The following MME variants were observed in gnomAD, a reference collection of about 807,000 sequenced individuals.
The protein encoded by MME is membrane metalloendopeptidase, also known as neprilysin.
A neutral mutation model predicts 113.2 loss-of-function variants in MME; 98 were observed. The observed-to-expected ratio is 0.87, with a 90% confidence interval of 0.74 to 1.02. The LOEUF is 1.02. Ranked by LOEUF, MME falls within the 50% of genes least tolerant of loss-of-function variation. MME has a pLI of 0.00. For missense variants in MME, 836 were observed against 896.0 expected, an observed-to-expected ratio of 0.93 and a Z score of 0.86; for synonymous variants, 292 against 300.6, an observed-to-expected ratio of 0.97 and a Z score of 0.30.
intron 1 of MME, chr3:155,080,930 G>C (rs1472454059): frequency 6.6e-6 from 1 of 152,162 alleles, no homozygotes; most frequent in Admixed American, 6.5e-5. Flanking sequence ...AAATTGTCTG[G>C]TAATTTCTTG....
At chr3:155,065,309 T>C (rs1461514661) in intron 1 of MME, among the ~76,000 whole-genome samples, 1 of 152,166 alleles carries the variant, frequency 6.6e-6, no homozygotes, top group African/African-American at 2.4e-5. Flanking sequence ...CTTACTAGAC[T>C]AAGACTTAAG....
At chr3:155,049,390 A>G (rs570187969) in intron 1 of MME, among the ~76,000 whole-genome samples, 1 of 152,296 alleles carries the variant, frequency 6.6e-6, no homozygotes, top group African/African-American at 2.4e-5. Flanking sequence ...CGAGCCAAAG[A>G]ATGCCAAGGA....
chr3:155,157,907 G>A (rs1421057991), intron 16 of MME, among the ~76,000 whole-genome samples: 1 of 152,076 alleles, frequency 6.6e-6, no homozygotes, highest in Non-Finnish European at 1.5e-5. Context: ...ATTTTAATAT[G>A]CAAAACTCTC....
At chr3:155,084,481 A>G in intron 2 of MME, 154 bp downstream of exon 2, 1 of 777,846 alleles carries the variant, frequency 1.3e-6, no homozygotes, top group Non-Finnish European at 2.1e-6. Context: ...CAATATGTCA[A>G]AATAATTAAC....
intron 3 of MME, among the ~76,000 whole-genome samples, chr3:155,099,196 C>T (rs1447760831): frequency 6.6e-6 from 1 of 152,116 alleles, no homozygotes; most frequent in Non-Finnish European, 1.5e-5. Flanking sequence ...GGGTAAGCAG[C>T]AACTAATAAG....
chr3:155,150,775 T>C (rs1351772700), intron 16 of MME, among the ~76,000 whole-genome samples: 1 of 152,198 alleles, frequency 6.6e-6, no homozygotes, highest in African/African-American at 2.4e-5. Context: ...TCATATTCAA[T>C]TTTATGGAAT....
At chr3:155,096,804 A>C (rs868606307) in intron 3 of MME, among the ~76,000 whole-genome samples, 8 of 152,152 alleles carry the variant, frequency 5.3e-5, no homozygotes, top group Admixed American at 2.0e-4. Flanking sequence ...TGTAGCCTCA[A>C]CTTCCCCAGA....
chr3:155,143,449 T>A lies in MME; in HGVS notation c.1195T>A (p.Tyr399Asn). 6.2e-7 allele frequency: 1 copy of A among 1,612,136 alleles called. No individual in the cohort carries two copies. Among genetic ancestry groups the A allele is most frequent in the Non-Finnish European group, 8.5e-7 (1 of 1,178,532 alleles). ...ESRNAFRKALYGTTSETATWR... is the reference protein window; with the variant it reads ...ESRNAFRKALNGTTSETATWR... ...TCCTTTTTCTTTTCCGTAGGCCCTT[T>A]ATGGTACAACCTCAGAAACAGCAAC... The change falls in exon 13 of 23, where the codon TAT (tyrosine) becomes AAT (asparagine). Residue 399 changes from tyrosine to asparagine, a missense_variant. Tyr to Asn is a moderately radical substitution (Grantham distance 143). Coordinates refer to ENST00000360490, the MANE Select transcript of MME (RefSeq NM_007289.4).
chr3:155,173,832 T>C (rs180788171), intron 22 of MME, among the ~76,000 whole-genome samples: 1 of 152,216 alleles, frequency 6.6e-6, no homozygotes, highest in East Asian at 1.9e-4. Flanking sequence ...AAAGTGAACT[T>C]AAGCTTTGAG....
rs573665015 is a variant in MME, at chr3:155,051,932, T to A, written c.-11+27608T>A. Among the ~76,000 whole-genome samples the A allele has an allele frequency of 5.9e-5, 9 of 152,330 alleles. No homozygotes were observed. The South Asian group carries it at 1.0e-3, about 18-fold the overall frequency. On this transcript the variant is annotated intron_variant, in intron 1 of 22. Coordinates refer to the MME transcript ENST00000492661. ...GTAAAATTAAGAGCAAATTAGTTAC[T>A]TCCTAGATACAATGATGGTTCAGGC... is the stretch of plus-strand genomic sequence containing the variant.
chr3:155,038,847 A>G (rs1713215880), intron 1 of MME, among the ~76,000 whole-genome samples: 1 of 152,140 alleles, frequency 6.6e-6, no homozygotes, highest in African/African-American at 2.4e-5. Flanking sequence ...TCTCTTTTGA[A>G]TATCTGGGTT....
chr3:155,097,452 T>C (rs188598907), intron 3 of MME, among the ~76,000 whole-genome samples: 3 of 152,136 alleles, frequency 2.0e-5, no homozygotes, highest in Non-Finnish European at 2.9e-5. Flanking sequence ...TAGAGAGTGA[T>C]CATTGGAATT....
intron 3 of MME, among the ~76,000 whole-genome samples, chr3:155,090,777 C>T (rs569204337): frequency 1.6e-4 from 24 of 152,266 alleles, no homozygotes; most frequent in African/African-American, 4.8e-4. Context: ...GACTACTGTA[C>T]GCACATACTG....
intron 13 of MME, among the ~76,000 whole-genome samples, 194 bp downstream of exon 13, chr3:155,143,765 C>A (rs1021920686): frequency 6.6e-6 from 1 of 152,112 alleles, no homozygotes; most frequent in Admixed American, 6.6e-5. Context: ...TATGTTTCTG[C>A]TCCTAATACT....
chr3:155,151,431 C>T (rs1721923321), intron 16 of MME, among the ~76,000 whole-genome samples: 1 of 152,010 alleles, frequency 6.6e-6, no homozygotes, highest in African/African-American at 2.4e-5. Context: ...ACTTTTTTCC[C>T]CCAATTCACA....
At chr3:155,053,119 G>C (rs1489446478) in intron 1 of MME, among the ~76,000 whole-genome samples, 1 of 152,154 alleles carries the variant, frequency 6.6e-6, no homozygotes, top group Admixed American at 6.5e-5. Context: ...CATTCAACAA[G>C]TCACTGGGAA....
intron 20 of MME, among the ~76,000 whole-genome samples, chr3:155,170,384 G>A (rs1456597243): frequency 1.3e-5 from 2 of 152,114 alleles, no homozygotes; most frequent in African/African-American, 4.8e-5. Flanking sequence ...TTTTGTTCCT[G>A]TAAATATTCT....
intron 9 of MME, among the ~76,000 whole-genome samples, 198 bp from the exon 10 acceptor site, chr3:155,139,993 T>C (rs2108307321): frequency 6.6e-6 from 1 of 152,320 alleles, no homozygotes; most frequent in South Asian, 2.1e-4. Flanking sequence ...CAGCCAAATC[T>C]CAATAATTCT....
intron 3 of MME, among the ~76,000 whole-genome samples, chr3:155,097,113 A>T (rs201916105): frequency 1.5e-4 from 23 of 152,208 alleles, no homozygotes; most frequent in Non-Finnish European, 2.5e-4. Context: ...AGCAGAGCTT[A>T]TTGGGTAATA....
Sources: gnomAD v4.1 joint callset for allele counts (sites outside exome capture counted in the v4.1 genomes callset) on GRCh38, gnomAD v4.1.1 for gene constraint, MANE v1.5 for transcripts, NCBI Gene and HGNC (gene_info 2026-07-23, HGNC 2026-07-21) for gene names.